UNC5C: variants seen among roughly 807,000 people sequenced by gnomAD.
The protein encoded by UNC5C is unc-5 netrin receptor C, also known as netrin receptor UNC5C.
A neutral mutation model predicts 99.8 loss-of-function variants in UNC5C; 47 were observed. That is an observed-to-expected ratio of 0.47 (90% CI 0.37 to 0.60). The LOEUF is 0.60. Ranked by LOEUF, UNC5C falls within the 20% of genes least tolerant of loss-of-function variation. The probability of loss-of-function intolerance (pLI) is 0.00; values close to 1 mark genes in which losing one functional copy is unlikely to be tolerated. For synonymous variants in UNC5C, 487 were observed against 452.2 expected, an observed-to-expected ratio of 1.08 and a Z score of -0.98; for missense variants, 1,062 against 1,165.9, an observed-to-expected ratio of 0.91 and a Z score of 1.30.
At chr4:95,476,973 C>G (rs190424679) in intron 1 of UNC5C, among the ~76,000 whole-genome samples, 1 of 152,118 alleles carries the variant, frequency 6.6e-6, no homozygotes, top group African/African-American at 2.4e-5. Flanking sequence ...TTGGACATAT[C>G]CAGAATCTGA....
At position 95,164,217 on chromosome 4, in the gene UNC5C, A is replaced by G. The variant is rs1735779978; in HGVS notation, c.*5017T>C. 1 of 152,238 alleles carries G rather than the reference A, an allele frequency of 6.6e-6. No homozygotes were observed. The highest frequency in any genetic ancestry group is 2.1e-4 in the South Asian group (1 of 4,834). 9.4% of individuals were successfully genotyped at this position (152,238 alleles called of 1,614,324 possible). A position where few individuals can be genotyped will look rare whatever the true frequency, so the allele number is the denominator to read the frequency against. On this transcript the variant is annotated 3_prime_UTR_variant, in exon 16 of 16. Transcript: ENST00000453304. Reference sequence around the variant, plus strand: ...CACAAAGCCATCTCCCCACTTTTCAAAAATAGGTTTTTCACACTAGAATTC... The same window carrying G: ...CACAAAGCCATCTCCCCACTTTTCAGAAATAGGTTTTTCACACTAGAATTC...
chr4:95,496,703 A>T (rs143225842), intron 1 of UNC5C, among the ~76,000 whole-genome samples: 2,580 of 151,918 alleles, frequency 0.017, 68 homozygotes, highest in African/African-American at 0.059. Context: ...TTTTTATTTC[A>T]ATAGTTTTTG....
intron 1 of UNC5C, among the ~76,000 whole-genome samples, chr4:95,387,641 C>T (rs1745249091): frequency 1.3e-5 from 2 of 152,180 alleles, no homozygotes; most frequent in Admixed American, 1.3e-4. Flanking sequence ...TCCTAAAACT[C>T]TGTGTTTCTA....
chr4:95,447,495 A>ATTTATTTATTTT (rs1237176280), intron 1 of UNC5C, among the ~76,000 whole-genome samples: 1 of 152,038 alleles, frequency 6.6e-6, no homozygotes, highest in East Asian at 1.9e-4. Flanking sequence ...TAATTTTATT[A>ATTTATTTATTTT]TTTATTTATT....
At chr4:95,461,602 C>A (rs1747600833) in intron 1 of UNC5C, among the ~76,000 whole-genome samples, 1 of 152,138 alleles carries the variant, frequency 6.6e-6, no homozygotes, top group South Asian at 2.1e-4. Flanking sequence ...CCTATATTTT[C>A]TGGCCATTTG....
At chr4:95,351,131 CCCTTCA>C (rs775312524) in intron 1 of UNC5C, among the ~76,000 whole-genome samples, 82 of 152,144 alleles carry the variant, frequency 5.4e-4, no homozygotes, top group Middle Eastern at 3.4e-3. Context: ...GTTTAAATGC[CCCTTCA>C]CCTGAAGGCC....
intron 7 of UNC5C, among the ~76,000 whole-genome samples, chr4:95,228,881 G>A (rs1348643381): frequency 6.6e-6 from 1 of 152,100 alleles, no homozygotes; most frequent in East Asian, 1.9e-4. Flanking sequence ...TTTCCAAACA[G>A]TGTCTTCTGT....
intron 1 of UNC5C, among the ~76,000 whole-genome samples, chr4:95,395,412 A>T (rs1035334148): frequency 2.0e-5 from 3 of 152,272 alleles, no homozygotes; most frequent in East Asian, 1.9e-4. Flanking sequence ...TTTATTTTTT[A>T]AAAAATTAGA....
Position 95,166,750 on chromosome 4 carries a change from T to G in UNC5C, c.*2484A>C, listed in dbSNP as rs1735871009. On this transcript the variant is annotated 3_prime_UTR_variant, in exon 16 of 16. Transcript: ENST00000453304. Reference sequence around the variant, plus strand: ...CTGATGCGTAATCTTGACAAGTTTATTTCAAAATGTAGGAATGGACAATAG... The same window carrying G: ...CTGATGCGTAATCTTGACAAGTTTAGTTCAAAATGTAGGAATGGACAATAG... The G allele has an allele frequency of 6.6e-6, 1 of 152,222 alleles. No homozygotes were observed. The highest frequency in any genetic ancestry group is 1.5e-5 in the Non-Finnish European group (1 of 68,038). The allele number at this position is 152,222 out of a possible 1,614,324, so 9.4% of individuals were successfully genotyped here. A position where few individuals can be genotyped will look rare whatever the true frequency, so the allele number is the denominator to read the frequency against.
At chr4:95,219,581 G>C (rs2149367992) in intron 8 of UNC5C, among the ~76,000 whole-genome samples, 1 of 152,268 alleles carries the variant, frequency 6.6e-6, no homozygotes, top group Middle Eastern at 3.4e-3. Flanking sequence ...CAACAGATTG[G>C]ATTGAACAAC....
chr4:95,493,220 C>T (rs554707144), intron 1 of UNC5C, among the ~76,000 whole-genome samples: 14 of 151,196 alleles, frequency 9.3e-5, no homozygotes, highest in Admixed American at 2.0e-4. Context: ...TGAGATGTTC[C>T]GGGAGCTAGA....
chr4:95,524,373 C>G (rs940048670), intron 1 of UNC5C, among the ~76,000 whole-genome samples: 2 of 152,162 alleles, frequency 1.3e-5, no homozygotes, highest in Non-Finnish European at 2.9e-5. Flanking sequence ...ATGTTTTATG[C>G]AACAGGGGCG....
intron 1 of UNC5C, among the ~76,000 whole-genome samples, chr4:95,395,060 G>C (rs1234612894): frequency 1.3e-5 from 2 of 152,170 alleles, no homozygotes; most frequent in African/African-American, 4.8e-5. Flanking sequence ...CAGCCCTCCT[G>C]TCTGCCCAGG....
chr4:95,329,526 T>G (rs1248916301), intron 2 of UNC5C, among the ~76,000 whole-genome samples: 1 of 152,194 alleles, frequency 6.6e-6, no homozygotes, highest in Non-Finnish European at 1.5e-5. Flanking sequence ...AAATTATGCC[T>G]TTAATCAACA....
intron 2 of UNC5C, among the ~76,000 whole-genome samples, chr4:95,332,716 C>G (rs113151352): frequency 6.7e-6 from 1 of 148,202 alleles, no homozygotes; most frequent in Non-Finnish European, 1.5e-5. Flanking sequence ...CCAAAATTGA[C>G]AAATGGGATC....
intron 1 of UNC5C, among the ~76,000 whole-genome samples, chr4:95,469,352 T>A (rs554570419): frequency 2.2e-4 from 33 of 152,328 alleles, no homozygotes; most frequent in African/African-American, 7.7e-4. Flanking sequence ...TGGTATTAAA[T>A]TCTTCAGCTT....
rs190511417 is a variant in UNC5C at position 95,487,527 on chromosome 4, A to G, written c.124+61207T>C. Reference sequence around the variant, plus strand: ...TCAAAATAAAACTGCTTTTTGCCTAATTCATTTTATTTAGACTGTTTTGAT... The same window carrying G: ...TCAAAATAAAACTGCTTTTTGCCTAGTTCATTTTATTTAGACTGTTTTGAT... On this transcript the variant is annotated intron_variant, in intron 1 of 15. Transcript: ENST00000453304. 4.2e-3 allele frequency among the ~76,000 whole-genome samples: 636 copies of G among 151,786 alleles called. 6 individuals are homozygous for G. The highest frequency in any genetic ancestry group is 0.015 in the African/African-American group (609 of 41,486).
intron 7 of UNC5C, among the ~76,000 whole-genome samples, chr4:95,237,761 G>C (rs1019804200): frequency 1.3e-4 from 20 of 152,120 alleles, no homozygotes; most frequent in African/African-American, 4.8e-4. Flanking sequence ...AATAAATACT[G>C]AACAGACCCG....
At chr4:95,176,632 C>T (rs1323435018) in intron 14 of UNC5C, among the ~76,000 whole-genome samples, 2 of 152,190 alleles carry the variant, frequency 1.3e-5, no homozygotes, top group African/African-American at 4.8e-5. Context: ...GGGAGAACCA[C>T]TGCTCTCTTC....
Sources: allele counts gnomAD v4.1 joint callset (sites outside exome capture counted in the v4.1 genomes callset), GRCh38; gene constraint gnomAD v4.1.1; transcripts MANE v1.5; gene names NCBI Gene and HGNC (gene_info 2026-07-23, HGNC 2026-07-21).